Variants in TET1 observed in about 807,000 individuals in gnomAD.
TET1 encodes the protein methylcytosine dioxygenase TET1.
In TET1, 13 loss-of-function variants were observed where a neutral mutation model predicts 148.7. The ratio of observed to expected loss-of-function variants is 0.09; its 90% CI spans 0.06 to 0.14. TET1 has a LOEUF of 0.14. TET1 is among the 10% of genes least tolerant of loss of function. The probability of loss-of-function intolerance (pLI) is 1.00; values close to 1 mark genes in which losing one functional copy is unlikely to be tolerated. For synonymous variants in TET1, 907 were observed against 937.2 expected (o/e 0.97, Z 0.59); for missense variants, 2,182 against 2,553.8 (o/e 0.85, Z 3.14).
rs1315574318 is a variant in TET1 at position 68,572,952 on chromosome 10, C to T, written c.614C>T (p.Thr205Ile). ...RVEDSKINIP[T>I]HSGPAAEILP... ...GAGGATTCCAAGATCAATATCCCTA[C>T]CCACAGTGGCCCTGCAGCTGAGATC... Residue 205 changes from threonine to isoleucine, a missense_variant, in exon 2 of 12, where the codon ACC (threonine) becomes ATC (isoleucine). Transcript: ENST00000373644. The T allele has an allele frequency of 2.5e-6, 4 of 1,614,130 alleles. No individual in the cohort carries two copies. The Admixed American group carries it at 5.0e-5, about 20-fold the overall frequency.
intron 2 of TET1, among the ~76,000 whole-genome samples, chr10:68,591,470 G>A (rs961322739): frequency 1.3e-5 from 2 of 152,130 alleles, no homozygotes; most frequent in Non-Finnish European, 2.9e-5. Context: ...GCAGTACAGG[G>A]TCATCCAGCT....
intron 11 of TET1, 79 bp from the exon 12 acceptor site, chr10:68,690,729 T>C: frequency 7.2e-7 from 1 of 1,395,554 alleles, no homozygotes; most frequent in Non-Finnish European, 9.7e-7. Flanking sequence ...TTTGTACTTG[T>C]CTTTGAAAAT....
chr10:68,589,003 G>A lies in TET1; in HGVS notation c.1915-11978G>A, dbSNP rs752564012. On this transcript the variant is annotated intron_variant, in intron 2 of 11. Transcript: ENST00000373644. ...CTGGGCATGGTGGTGAGTGCCTGTA[G>A]TCTCAGCTAGTAGGGACGCTGAGGC... is the stretch of plus-strand genomic sequence containing the variant. Among the ~76,000 whole-genome samples, 10 of 152,108 alleles carry A rather than the reference G, an allele frequency of 6.6e-5. No homozygotes were observed. In the Middle Eastern group the frequency reaches 0.01, roughly 155 times the overall value.
At chr10:68,578,813 G>C in intron 2 of TET1, among the ~76,000 whole-genome samples, 1 of 151,914 alleles carries the variant, frequency 6.6e-6, no homozygotes, top group East Asian at 1.9e-4. Flanking sequence ...TGGGGTGCTG[G>C]GATTGTAGGC....
intron 7 of TET1, 138 bp from the exon 8 acceptor site, chr10:68,672,757 A>T: frequency 1.7e-6 from 1 of 579,466 alleles, no homozygotes; most frequent in Non-Finnish European, 2.7e-6. Flanking sequence ...AAACTATTTT[A>T]AATAAGTAAT....
intron 6 of TET1, among the ~76,000 whole-genome samples, chr10:68,661,902 A>T (rs1480110820): frequency 1.7e-5 from 2 of 117,918 alleles, no homozygotes; most frequent in Non-Finnish European, 1.7e-5. Flanking sequence ...TTTTTGTGAG[A>T]TGGAGTTTCA....
intron 9 of TET1, 50 bp downstream of exon 9, chr10:68,681,538 CTTGCT>C: frequency 7.5e-7 from 1 of 1,338,734 alleles, no homozygotes; most frequent in Non-Finnish European, 1.1e-6. Context: ...GAGGTGGGGT[CTTGCT>C]TTGTTGCCCA....
rs374124558 is a variant in TET1 at position 68,595,919 on chromosome 10, CATATATATATATATATATAT to C, written c.1915-5038_1915-5019del. On this transcript the variant is annotated intron_variant, in intron 2 of 11. Coordinates refer to ENST00000373644, the MANE Select transcript of TET1 (RefSeq NM_030625.3). ...TGTGAGCCACTGCGCCCAGCCAAAA[CATATATATATATATATATAT>C]ATATATATATATATATATATATACA... Among the ~76,000 whole-genome samples the C allele has an allele frequency of 5.1e-3, 175 of 34,428 alleles. 4 individuals carry two copies. Among genetic ancestry groups the C allele is most frequent in the South Asian group, 0.032 (21 of 648 alleles). 22.6% of individuals were successfully genotyped at this position (34,428 alleles called of 152,430 possible).
chr10:68,646,427 A>G lies in TET1; in HGVS notation c.3698A>G (p.Lys1233Arg), dbSNP rs1589109026. ...LAQTRSIMQPKTVFPPLTQIK... is the reference protein window; with the variant it reads ...LAQTRSIMQPRTVFPPLTQIK... The stretch of plus-strand genomic sequence containing the variant: ...CAAACGAGGTCCATTATGCAACCCA[A>G]AACAGTATTTCCACCACTCACTCAG... Residue 1233 changes from lysine (K) to arginine (R), a missense_variant, in exon 4 of 12, where the codon AAA (lysine) becomes AGA (arginine). Transcript: ENST00000373644. The G allele has an allele frequency of 6.2e-7, 1 of 1,614,210 alleles. No individual in the cohort carries two copies. Among genetic ancestry groups the G allele is most frequent in the South Asian group, 1.1e-5 (1 of 91,080 alleles).
chr10:68,596,129 C>G (rs2053986902), intron 2 of TET1, among the ~76,000 whole-genome samples: 1 of 149,234 alleles, frequency 6.7e-6, no homozygotes, highest in Non-Finnish European at 1.5e-5. Flanking sequence ...AACTCCGCCT[C>G]CTGGGTTCAA....
chr10:68,683,795 G>A (rs74441661), intron 10 of TET1, among the ~76,000 whole-genome samples: 1 of 152,198 alleles, frequency 6.6e-6, no homozygotes, highest in Non-Finnish European at 1.5e-5. Flanking sequence ...TTTGCCATCT[G>A]CACTTCAGGG....
chr10:68,629,225 T>C (rs1186388859), intron 3 of TET1, among the ~76,000 whole-genome samples: 1 of 151,762 alleles, frequency 6.6e-6, no homozygotes, highest in African/African-American at 2.4e-5. Flanking sequence ...ATTATCTGGG[T>C]GTGGTGGCGA....
Position 68,612,703 on chromosome 10 carries a change from C to T in TET1, c.1968+11669C>T, listed in dbSNP as rs578058068. ...GCAAGATCTCGGCTCACTGTAGCCT[C>T]ACCTCTCAGGCTCAAGCGATCCTCC... is the stretch of plus-strand genomic sequence containing the variant. On this transcript the variant is annotated intron_variant, in intron 3 of 11. Coordinates refer to ENST00000373644, the MANE Select transcript of TET1 (RefSeq NM_030625.3). 1.4e-4 allele frequency among the ~76,000 whole-genome samples: 22 copies of T among 152,182 alleles called. 1 individual carries two copies. The South Asian group carries it at 3.5e-3, about 24-fold the overall frequency.
At chr10:68,640,709 A>G (rs1030619371) in intron 3 of TET1, among the ~76,000 whole-genome samples, 1 of 147,440 alleles carries the variant, frequency 6.8e-6, no homozygotes, top group Non-Finnish European at 1.5e-5. Context: ...CTGCCACCAC[A>G]CCCGGCTAAT....
intron 3 of TET1, among the ~76,000 whole-genome samples, chr10:68,620,606 T>C (rs954484641): frequency 1.3e-5 from 2 of 152,100 alleles, no homozygotes; most frequent in Admixed American, 1.3e-4. Flanking sequence ...ACACACTTTT[T>C]AACTACTATG....
chr10:68,625,915 A>G (rs1379722385), intron 3 of TET1, among the ~76,000 whole-genome samples: 1 of 151,782 alleles, frequency 6.6e-6, no homozygotes, highest in Non-Finnish European at 1.5e-5. Flanking sequence ...GAAGAGACCC[A>G]GTGTCTATAA....
At chr10:68,561,122 GT>G (rs2053547647) in intron 1 of TET1, among the ~76,000 whole-genome samples, 1 of 152,158 alleles carries the variant, frequency 6.6e-6, no homozygotes, top group African/African-American at 2.4e-5. Flanking sequence ...CCAGCGGTTG[GT>G]TCCCTGGCCC....
chr10:68,593,104 C>T (rs113319679), intron 2 of TET1, among the ~76,000 whole-genome samples: 9,000 of 151,908 alleles, frequency 0.059, 621 homozygotes, highest in African/African-American at 0.17. Flanking sequence ...TGGTGGCATG[C>T]ACTTGTAGTC....
At chr10:68,577,347 TTC>T (rs2053743975) in intron 2 of TET1, among the ~76,000 whole-genome samples, 1 of 152,086 alleles carries the variant, frequency 6.6e-6, no homozygotes, top group Non-Finnish European at 1.5e-5. Context: ...GTGCCTGGCC[TTC>T]TATTTCATTC....
Sources: gnomAD v4.1 joint callset for allele counts (sites outside exome capture counted in the v4.1 genomes callset) on GRCh38, gnomAD v4.1.1 for gene constraint, MANE v1.5 for transcripts, NCBI Gene and HGNC (gene_info 2026-07-23, HGNC 2026-07-21) for gene names.